The following CADM2 variants were observed in gnomAD, a reference collection of about 807,000 sequenced individuals.
CADM2 encodes cell adhesion molecule 2, also known as immunoglobulin superfamily member 4D.
In CADM2, 12 loss-of-function variants were observed where a neutral mutation model predicts 49.8. The observed-to-expected ratio is 0.24, with a 90% CI of 0.15 to 0.39. The LOEUF (loss-of-function observed/expected upper bound fraction) is 0.39, where lower values mean the gene tolerates loss of function less well. Among genes scored for constraint, CADM2 ranks in the 10% least tolerant of loss-of-function variants. The probability of loss-of-function intolerance (pLI) is 1.00; values close to 1 mark genes in which losing one functional copy is unlikely to be tolerated. For missense variants in CADM2, 378 were observed against 492.3 expected, an observed-to-expected ratio of 0.77 and a Z score of 2.20; for synonymous variants, 214 against 175.4, an observed-to-expected ratio of 1.22 and a Z score of -1.74.
intron 6 of CADM2, among the ~76,000 whole-genome samples, chr3:85,930,181 A>G (rs1720409239): frequency 6.6e-6 from 1 of 152,184 alleles, no homozygotes; most frequent in African/African-American, 2.4e-5. Context: ...TAGTTTACAC[A>G]TGTAGTACTT....
In CADM2 at chr3:86,067,417, C is replaced by A. The variant is rs1380508180; in HGVS notation, c.*634C>A. ...GAAATATAGTATTTGATACAGGAGC[C>A]ATGTGTACGAATTGCAATCATGACA... On this transcript the variant is annotated 3_prime_UTR_variant, in exon 10 of 10. Coordinates refer to ENST00000383699, the MANE Select transcript of CADM2 (RefSeq NM_001167675.2). The A allele has an allele frequency of 1.3e-5, 2 of 152,430 alleles. No individual in the cohort carries two copies. Among genetic ancestry groups the A allele is most frequent in the African/African-American group, 4.8e-5 (2 of 41,406 alleles). The allele number at this position is 152,430 out of a possible 1,614,324, so 9.4% of individuals were successfully genotyped here.
chr3:85,627,163 TACAGTCA>T (rs1234738235), intron 1 of CADM2, among the ~76,000 whole-genome samples: 4 of 151,908 alleles, frequency 2.6e-5, no homozygotes, highest in African/African-American at 9.7e-5. Context: ...GTCTGATACT[TACAGTCA>T]ACATTCTGGA....
chr3:85,117,393 C>G (rs897182607), intron 1 of CADM2, among the ~76,000 whole-genome samples: 1 of 151,804 alleles, frequency 6.6e-6, no homozygotes, highest in Admixed American at 6.6e-5. Context: ...ATAATACAAG[C>G]TTGGATATGG....
intron 1 of CADM2, among the ~76,000 whole-genome samples, chr3:85,280,383 C>T (rs532491647): frequency 3.3e-5 from 5 of 151,376 alleles, no homozygotes; most frequent in Admixed American, 2.6e-4. Context: ...TTCTACTCTC[C>T]TTTGACCTGC....
At chr3:85,262,260 A>C (rs2043028629) in intron 1 of CADM2, among the ~76,000 whole-genome samples, 1 of 152,062 alleles carries the variant, frequency 6.6e-6, no homozygotes, top group South Asian at 2.1e-4. Flanking sequence ...TCAGGATTTT[A>C]ATTTTATTCA....
chr3:85,737,793 C>T (rs1233263877), intron 2 of CADM2, among the ~76,000 whole-genome samples: 1 of 152,068 alleles, frequency 6.6e-6, no homozygotes, highest in African/African-American at 2.4e-5. Flanking sequence ...CTCCTGACCT[C>T]GTGATCTGCC....
intron 1 of CADM2, among the ~76,000 whole-genome samples, chr3:85,234,054 T>G (rs1028892871): frequency 6.6e-6 from 1 of 152,074 alleles, no homozygotes; most frequent in Admixed American, 6.6e-5. Flanking sequence ...TGTCACTTGA[T>G]TAGGTACTAT....
At chr3:85,669,768 T>C (rs1577055157) in intron 1 of CADM2, among the ~76,000 whole-genome samples, 1 of 152,190 alleles carries the variant, frequency 6.6e-6, no homozygotes, top group East Asian at 1.9e-4. Context: ...GAAAACTAAA[T>C]AAAAAAGAAA....
At chr3:85,199,333 TTGTGTGTGTGTG>T (rs35067183) in intron 1 of CADM2, among the ~76,000 whole-genome samples, 33 of 134,482 alleles carry the variant, frequency 2.5e-4, no homozygotes, top group Admixed American at 5.1e-4. Context: ...GTAACTCTCT[TTGTGTGTGTGTG>T]TGTGTGTGTG....
intron 5 of CADM2, among the ~76,000 whole-genome samples, chr3:85,908,254 C>CTTTTTT (rs898710165): frequency 3.0e-5 from 2 of 65,772 alleles, no homozygotes; most frequent in African/African-American, 5.6e-5. Flanking sequence ...TTTTTTTCTT[C>CTTTTTT]TTTTTTTTTT....
chr3:85,946,415 A>T (rs1722701594), intron 7 of CADM2, among the ~76,000 whole-genome samples: 2 of 152,016 alleles, frequency 1.3e-5, no homozygotes, highest in African/African-American at 2.4e-5. Flanking sequence ...TCTTCACAGA[A>T]TTGGAAAAAA....
chr3:85,183,346 C>T (rs946174128), intron 1 of CADM2, among the ~76,000 whole-genome samples: 2 of 151,998 alleles, frequency 1.3e-5, no homozygotes, highest in African/African-American at 4.8e-5. Context: ...TTCTGTTGTT[C>T]TTATTTGTAA....
chr3:85,599,600 G>A (rs2063338414), intron 1 of CADM2, among the ~76,000 whole-genome samples: 1 of 151,772 alleles, frequency 6.6e-6, no homozygotes, highest in African/African-American at 2.4e-5. Context: ...CAAAGCTTGT[G>A]AGGCATTCTT....
chr3:85,075,472 T>C (rs745932789), intron 1 of CADM2, among the ~76,000 whole-genome samples: 1 of 152,134 alleles, frequency 6.6e-6, no homozygotes, highest in Non-Finnish European at 1.5e-5. Flanking sequence ...ATTGTACACA[T>C]GTCTAGAGGA....
At chr3:85,530,943 T>C (rs1172994316) in intron 1 of CADM2, among the ~76,000 whole-genome samples, 2 of 146,200 alleles carry the variant, frequency 1.4e-5, no homozygotes, top group Admixed American at 6.9e-5. Flanking sequence ...TGTCAGGGGG[T>C]TCCTTAATAT....
chr3:85,259,317 A>G (rs2042960465), intron 1 of CADM2, among the ~76,000 whole-genome samples: 2 of 151,896 alleles, frequency 1.3e-5, no homozygotes, highest in African/African-American at 4.8e-5. Context: ...AAGTGAGTTT[A>G]TTTTTTTAAT....
chr3:84,986,666 A>G (rs1261588814), intron 1 of CADM2, among the ~76,000 whole-genome samples: 1 of 151,906 alleles, frequency 6.6e-6, no homozygotes, highest in African/African-American at 2.4e-5. Context: ...TGACGAGTTA[A>G]CGGGTGCAGC....
At chr3:85,952,317 T>C (rs568286876) in intron 7 of CADM2, among the ~76,000 whole-genome samples, 2 of 151,104 alleles carry the variant, frequency 1.3e-5, no homozygotes, top group East Asian at 3.9e-4. Flanking sequence ...GTATTGCCTT[T>C]TCTTATTTTC....
chr3:85,457,402 G>A (rs2038041938), intron 1 of CADM2, among the ~76,000 whole-genome samples: 1 of 150,948 alleles, frequency 6.6e-6, no homozygotes, highest in Non-Finnish European at 1.5e-5. Context: ...GACACAGCAA[G>A]ACCCTGTCTC....
Sources: gnomAD v4.1 joint callset for allele counts (sites outside exome capture counted in the v4.1 genomes callset) on GRCh38, gnomAD v4.1.1 for gene constraint, MANE v1.5 for transcripts, NCBI Gene and HGNC (gene_info 2026-07-23, HGNC 2026-07-21) for gene names.